The following GFRA2 variants were observed in gnomAD, a reference collection of about 807,000 sequenced individuals.
The protein encoded by GFRA2 is GDNF family receptor alpha-2.
GFRA2 carries 17 observed loss-of-function variants against 48.3 expected under a neutral mutation model. The observed-to-expected ratio is 0.35, with a 90% CI of 0.24 to 0.53. The LOEUF is 0.53. Ranked by LOEUF, GFRA2 falls within the 20% of genes least tolerant of loss-of-function variation. The probability of loss-of-function intolerance (pLI) is 0.93; values close to 1 mark genes in which losing one functional copy is unlikely to be tolerated. For missense variants in GFRA2, 660 were observed against 637.3 expected (o/e 1.04, Z -0.38); for synonymous variants, 305 against 257.2 (o/e 1.19, Z -1.78).
At chr8:21,754,015 T>C (rs1805428555) in intron 3 of GFRA2, among the ~76,000 whole-genome samples, 2 of 152,234 alleles carry the variant, frequency 1.3e-5, no homozygotes, top group African/African-American at 4.8e-5. Flanking sequence ...TCTCCTCATC[T>C]ACTTCAAGAC....
chr8:21,701,617 G>A (rs1366176200), intron 7 of GFRA2, among the ~76,000 whole-genome samples: 3 of 152,144 alleles, frequency 2.0e-5, no homozygotes, highest in South Asian at 2.1e-4. Flanking sequence ...CCCAGCCCCC[G>A]GATTTGTAAC....
intron 3 of GFRA2, among the ~76,000 whole-genome samples, chr8:21,760,801 G>A (rs1382016590): frequency 1.3e-5 from 2 of 152,160 alleles, no homozygotes; most frequent in Non-Finnish European, 1.5e-5. Context: ...ACAGAACTCT[G>A]GGTCGCCTTA....
intron 4 of GFRA2, among the ~76,000 whole-genome samples, chr8:21,721,749 G>A (rs1803606825): frequency 6.6e-6 from 1 of 152,200 alleles, no homozygotes; most frequent in South Asian, 2.1e-4. Context: ...AAAGCAGGGA[G>A]AAAGAGACTC....
chr8:21,784,547 A>G (rs1255294768), intron 1 of GFRA2, among the ~76,000 whole-genome samples: 1 of 152,180 alleles, frequency 6.6e-6, no homozygotes, highest in Non-Finnish European at 1.5e-5. Context: ...CGCGCTGCAC[A>G]GCGGGCCTTC....
At chr8:21,708,683 G>T (rs572359314) in intron 4 of GFRA2, among the ~76,000 whole-genome samples, 1 of 152,304 alleles carries the variant, frequency 6.6e-6, no homozygotes, top group South Asian at 2.1e-4. Context: ...CACACAGGAA[G>T]AACGCCATGA....
At chr8:21,707,331 C>G (rs1802797760) in intron 4 of GFRA2, among the ~76,000 whole-genome samples, 1 of 152,204 alleles carries the variant, frequency 6.6e-6, no homozygotes, top group African/African-American at 2.4e-5. Context: ...AACCCTGTCC[C>G]ATTTGGGAAA....
At chr8:21,759,113 G>A (rs189785901) in intron 3 of GFRA2, among the ~76,000 whole-genome samples, 8 of 152,174 alleles carry the variant, frequency 5.3e-5, no homozygotes, top group South Asian at 4.2e-4. Context: ...AAAAAAGGTC[G>A]GCCGCAGTGG....
chr8:21,768,420 G>GT (rs1806283260), intron 3 of GFRA2, among the ~76,000 whole-genome samples: 1 of 152,172 alleles, frequency 6.6e-6, no homozygotes, highest in African/African-American at 2.4e-5. Context: ...TCAGCCCCCT[G>GT]TGCCCCCGCC....
At chr8:21,735,848 A>C (rs1366432853) in intron 4 of GFRA2, among the ~76,000 whole-genome samples, 1 of 152,004 alleles carries the variant, frequency 6.6e-6, no homozygotes, top group Non-Finnish European at 1.5e-5. Flanking sequence ...AAAAAAAAAA[A>C]AATTGTAGAG....
intron 7 of GFRA2, among the ~76,000 whole-genome samples, chr8:21,698,092 T>C (rs569437523): frequency 2.0e-5 from 3 of 152,280 alleles, no homozygotes; most frequent in Admixed American, 6.5e-5. Flanking sequence ...AGCCTGGAGC[T>C]TACTCCATCC....
chr8:21,734,918 T>G (rs947904038), intron 4 of GFRA2, among the ~76,000 whole-genome samples: 1 of 152,246 alleles, frequency 6.6e-6, no homozygotes. Context: ...CCTCCCATTC[T>G]ATTCAGAGTC....
chr8:21,764,713 C>T (rs1585315560), intron 3 of GFRA2, among the ~76,000 whole-genome samples: 1 of 152,228 alleles, frequency 6.6e-6, no homozygotes, highest in South Asian at 2.1e-4. Flanking sequence ...CCCCTTCCTG[C>T]TTACATCCTT....
chr8:21,755,644 C>A (rs534148861), intron 3 of GFRA2, among the ~76,000 whole-genome samples: 1 of 125,490 alleles, frequency 8.0e-6, no homozygotes, highest in Non-Finnish European at 1.7e-5. Context: ...TGGTGGGGGC[C>A]GGGGGAGGGG....
chr8:21,802,084 T>C (rs1807782470), intron 2 of GFRA2, among the ~76,000 whole-genome samples: 3 of 152,220 alleles, frequency 2.0e-5, no homozygotes, highest in African/African-American at 4.8e-5. Context: ...AGATTGGAAA[T>C]GCAAAAGGAA....
intron 1 of GFRA2, 85 bp from the exon 2 acceptor site, chr8:21,782,984 G>C (rs948188809): frequency 7.7e-7 from 1 of 1,299,970 alleles, no homozygotes; most frequent in South Asian, 1.3e-5. Context: ...CTTGGGCCCT[G>C]CTGGGAACGT....
intron 4 of GFRA2, among the ~76,000 whole-genome samples, chr8:21,710,337 G>A (rs1039981516): frequency 2.6e-5 from 4 of 152,198 alleles, no homozygotes; most frequent in Non-Finnish European, 4.4e-5. Context: ...TCTGCCTAGC[G>A]CTGTGCCTGC....
chr8:21,746,242 C>G (rs1385970584), intron 4 of GFRA2, among the ~76,000 whole-genome samples: 2 of 152,148 alleles, frequency 1.3e-5, no homozygotes, highest in African/African-American at 4.8e-5. Flanking sequence ...CTCTGTGGCT[C>G]CGGATGCATG....
At chr8:21,780,055 T>C (rs1416203555) in intron 2 of GFRA2, among the ~76,000 whole-genome samples, 1 of 130,658 alleles carries the variant, frequency 7.7e-6, no homozygotes, top group African/African-American at 3.0e-5. Flanking sequence ...TCCTCTCCCA[T>C]CTTTTTTTTT....
Position 21,748,793 on chromosome 8 carries a change from C to T in GFRA2, c.794+1795G>A, listed in dbSNP as rs567633687. Among the ~76,000 whole-genome samples, 3 of 152,322 alleles carry T rather than the reference C, an allele frequency of 2.0e-5. No homozygotes were observed. In the East Asian group the frequency reaches 5.8e-4, roughly 29 times the overall value. On this transcript the variant is annotated intron_variant, in intron 4 of 8. Coordinates refer to ENST00000524240, the MANE Select transcript of GFRA2 (RefSeq NM_001495.5). ...TATCTATAAACACCTGCACCCACTA[C>T]AATCCCCATTTCTCCAACAGCCTCC... is the stretch of plus-strand genomic sequence containing the variant.
Sources: allele counts gnomAD v4.1 joint callset (sites outside exome capture counted in the v4.1 genomes callset), GRCh38; gene constraint gnomAD v4.1.1; transcripts MANE v1.5; gene names NCBI Gene and HGNC (gene_info 2026-07-23, HGNC 2026-07-21).